SEPTIN6: variants seen among roughly 807,000 people sequenced by gnomAD.
SEPTIN6 encodes septin 6, also known as septin-6.
A neutral mutation model predicts 33.6 loss-of-function variants in SEPTIN6; 8 were observed. The ratio of observed to expected loss-of-function variants is 0.24; its 90% CI spans 0.14 to 0.43. SEPTIN6 has a LOEUF of 0.43. SEPTIN6 is among the 20% of genes least tolerant of loss of function. The pLI is 1.00. For missense variants in SEPTIN6, 250 were observed against 340.8 expected, an observed-to-expected ratio of 0.73 and a Z score of 2.10; for synonymous variants, 131 against 140.0, an observed-to-expected ratio of 0.94 and a Z score of 0.45.
At chrX:119,665,745 C>T (rs910624168) in intron 2 of SEPTIN6, among the ~76,000 whole-genome samples, 3 of 110,926 alleles carry the variant, frequency 2.7e-5, no homozygotes, top group Non-Finnish European at 5.7e-5. Flanking sequence ...TATTTGACCC[C>T]TCAGCCCACC....
At chrX:119,691,355 T>C (rs1403850370) in intron 1 of SEPTIN6, among the ~76,000 whole-genome samples, 2 of 112,249 alleles carry the variant, frequency 1.8e-5, no homozygotes, top group Non-Finnish European at 3.8e-5. Flanking sequence ...CATTTTTGGA[T>C]GGAGCTAGTG....
chrX:119,624,538 A>AC (rs2053829610), intron 10 of SEPTIN6, among the ~76,000 whole-genome samples: 1 of 110,854 alleles, frequency 9.0e-6, no homozygotes, highest in Middle Eastern at 4.6e-3. Context: ...CAGATATGAA[A>AC]CTGCCACCAG....
At position 119,618,443 on chromosome X, in the gene SEPTIN6, A is replaced by G. The variant is rs1448571777; in HGVS notation, c.*1650T>C. 6.8e-6 allele frequency: 6 copies of G among 883,359 alleles called. No individual in the cohort carries two copies. Among genetic ancestry groups the G allele is most frequent in the Non-Finnish European group, 8.3e-6 (6 of 721,151 alleles). 72.8% of individuals were successfully genotyped at this position (883,359 alleles called of 1,213,427 possible). On this transcript the variant is annotated 3_prime_UTR_variant, in exon 11 of 11. Coordinates refer to ENST00000394610, the MANE Select transcript of SEPTIN6 (RefSeq NM_145799.4). ...ATTATGATCTATAATTGAAGTGAGA[A>G]ATCCCCTTCCCCTTCTCAATACTTC...
At chrX:119,663,458 A>AACCCCCCCCCC in intron 3 of SEPTIN6, 24 bp downstream of exon 3, 1 of 730,704 alleles carries the variant, frequency 1.4e-6, no homozygotes, top group Non-Finnish European at 2.0e-6. Flanking sequence ...TCCCCACCCT[A>AACCCCCCCCCC]CCCCACCCCA....
At chrX:119,673,018 A>C (rs1015749808) in intron 2 of SEPTIN6, among the ~76,000 whole-genome samples, 4 of 112,034 alleles carry the variant, frequency 3.6e-5, no homozygotes, top group African/African-American at 6.5e-5. Context: ...CTTAAAAATA[A>C]GTTTGAGTAT....
chrX:119,659,933 C>T (rs771785520), intron 3 of SEPTIN6, among the ~76,000 whole-genome samples: 2 of 111,931 alleles, frequency 1.8e-5, no homozygotes, highest in East Asian at 2.8e-4. Flanking sequence ...AGTGCCATGG[C>T]GCGATCTCAG....
Position 119,619,861 on chromosome X carries a change from A to G in SEPTIN6, c.*232T>C. The G allele has an allele frequency of 9.2e-7, 1 of 1,085,847 alleles. No individual in the cohort carries two copies. Among genetic ancestry groups the G allele is most frequent in the Non-Finnish European group, 1.2e-6 (1 of 835,226 alleles). The allele number at this position is 1,085,847 out of a possible 1,213,427, so 89.5% of individuals were successfully genotyped here. On this transcript the variant is annotated 3_prime_UTR_variant, in exon 11 of 11. Coordinates refer to ENST00000394610, the MANE Select transcript of SEPTIN6 (RefSeq NM_145799.4). ...GGGATGCAGGATGCATCTGCGAGCC[A>G]CATGACTGTTGGCTTCTTGACCAGC... is the stretch of plus-strand genomic sequence containing the variant.
At chrX:119,684,437 G>A (rs192196781) in intron 1 of SEPTIN6, among the ~76,000 whole-genome samples, 125 of 105,019 alleles carry the variant, frequency 1.2e-3, no homozygotes, top group Non-Finnish European at 2.1e-3. Context: ...GGATGCCGCT[G>A]TATTATGTCA....
chrX:119,623,001 G>A (rs2053795407), intron 10 of SEPTIN6, among the ~76,000 whole-genome samples: 1 of 111,946 alleles, frequency 8.9e-6, no homozygotes, highest in African/African-American at 3.2e-5. Context: ...CCTTTGGCCC[G>A]GTTTCATGGG....
chrX:119,669,974 T>A (rs1472793801), intron 2 of SEPTIN6, among the ~76,000 whole-genome samples: 1 of 111,709 alleles, frequency 9.0e-6, no homozygotes, highest in Non-Finnish European at 1.9e-5. Flanking sequence ...TTCACAGCCA[T>A]GACTGCTACT....
chrX:119,645,554 T>C (rs2054240635), intron 5 of SEPTIN6, among the ~76,000 whole-genome samples: 1 of 111,162 alleles, frequency 9.0e-6, no homozygotes, highest in Non-Finnish European at 1.9e-5. Flanking sequence ...TGTGCCACCA[T>C]GCCCGGCTAA....
chrX:119,647,841 C>CG (rs1046173767), intron 5 of SEPTIN6, among the ~76,000 whole-genome samples: 1 of 107,705 alleles, frequency 9.3e-6, no homozygotes, highest in Admixed American at 1.0e-4. Context: ...TTACTAGAGA[C>CG]GGGGTTTCTC....
At chrX:119,674,599 G>A (rs939530548) in intron 2 of SEPTIN6, among the ~76,000 whole-genome samples, 2 of 111,650 alleles carry the variant, frequency 1.8e-5, no homozygotes, top group Non-Finnish European at 3.8e-5. Context: ...AGCAGGGGGA[G>A]GAACAAGGGG....
At chrX:119,664,900 A>G (rs2054609691) in intron 2 of SEPTIN6, among the ~76,000 whole-genome samples, 1 of 105,163 alleles carries the variant, frequency 9.5e-6, no homozygotes, top group South Asian at 4.1e-4. Context: ...CTTTCATCCC[A>G]GTCCCCACCT....
intron 2 of SEPTIN6, among the ~76,000 whole-genome samples, chrX:119,673,841 C>CAAAAAAAAAAAAAAAAAAAAAA (rs774954935): frequency 2.6e-5 from 1 of 38,171 alleles, no homozygotes; most frequent in Non-Finnish European, 4.6e-5. Context: ...GACTCTGTCT[C>CAAAAAAAAAAAAAAAAAAAAAA]AAAAAAAAAA....
chrX:119,627,838 C>T (rs528488282), intron 9 of SEPTIN6, among the ~76,000 whole-genome samples: 8 of 82,726 alleles, frequency 9.7e-5, no homozygotes, highest in South Asian at 6.9e-4. Flanking sequence ...CTCAATCTGT[C>T]GCCCAGGCTG....
intron 2 of SEPTIN6, among the ~76,000 whole-genome samples, chrX:119,674,519 T>C (rs754834453): frequency 8.9e-6 from 1 of 111,922 alleles, no homozygotes; most frequent in East Asian, 2.8e-4. Flanking sequence ...TCATATTTGT[T>C]TGATTGGTGC....
At chrX:119,615,752 A>G, downstream of SEPTIN6, 1 of 141,754 alleles carries the variant, frequency 7.1e-6, no homozygotes, top group Non-Finnish European at 1.4e-5. Flanking sequence ...TTTATTGAAA[A>G]TTGACATGGA....
intron 2 of SEPTIN6, among the ~76,000 whole-genome samples, chrX:119,669,938 T>C (rs2054712372): frequency 9.0e-6 from 1 of 111,559 alleles, no homozygotes; most frequent in African/African-American, 3.3e-5. Context: ...TCAAAGTAAA[T>C]ATTATCATTA....
Sources: gnomAD v4.1 joint callset for allele counts (sites outside exome capture counted in the v4.1 genomes callset) on GRCh38, gnomAD v4.1.1 for gene constraint, MANE v1.5 for transcripts, NCBI Gene and HGNC (gene_info 2026-07-23, HGNC 2026-07-21) for gene names.